LSG1: variants seen among roughly 807,000 people sequenced by gnomAD.
The protein encoded by LSG1 is large 60S subunit nuclear export GTPase 1, also known as large subunit GTPase 1 homolog.
Under a neutral mutation model 82.6 loss-of-function variants are expected in LSG1, and 55 were observed. The ratio of observed to expected loss-of-function variants is 0.67; its 90% CI spans 0.54 to 0.83. The LOEUF is 0.83. LSG1 is among the 40% of genes least tolerant of loss of function. LSG1 has a pLI of 0.00. For synonymous variants in LSG1, 272 were observed against 282.5 expected, an observed-to-expected ratio of 0.96 and a Z score of 0.37; for missense variants, 809 against 807.9, an observed-to-expected ratio of 1.00 and a Z score of -0.02.
At position 194,672,122 on chromosome 3, in the gene LSG1, C is replaced by A; in HGVS notation, c.41G>T (p.Arg14Leu). Residue 14 changes from arginine to leucine, a missense_variant, in exon 1 of 14, where the codon CGG (arginine) becomes CTG (leucine). Transcript: ENST00000265245. ...RRAPAGGSLG[R>L]ALMRHQTQRS... ...CTGAGTCTGATGGCGCATAAGGGCC[C>A]GTCCCAGCGACCCACCGGCCGGGGC... The A allele has an allele frequency of 1.2e-6, 2 of 1,607,900 alleles. No homozygotes were observed. The highest frequency in any genetic ancestry group is 2.2e-5 in the East Asian group (1 of 44,870).
At chr3:194,665,720 A>G (rs1320238825) in intron 4 of LSG1, 77 bp from the exon 5 acceptor site, 28 of 771,220 alleles carry the variant, frequency 3.6e-5, no homozygotes, top group Non-Finnish European at 5.9e-5. Flanking sequence ...GCTCAAATTT[A>G]TTACATTAAA....
chr3:194,641,873 G>A lies in LSG1; in HGVS notation c.*195C>T, dbSNP rs1475113333. The A allele has an allele frequency of 7.8e-6, 4 of 515,310 alleles. No individual in the cohort carries two copies. The highest frequency in any genetic ancestry group is 1.4e-5 in the Non-Finnish European group (4 of 296,040). The allele number at this position is 515,310 out of a possible 1,614,324, so 31.9% of individuals were successfully genotyped here. ...GAGTAGGATTCTCGGGCTCCCAGAT[G>A]ACTCCTTTTTGTCAGAGTTGGTGTT... On this transcript the variant is annotated 3_prime_UTR_variant, in exon 14 of 14. Coordinates refer to ENST00000265245, the MANE Select transcript of LSG1 (RefSeq NM_018385.3).
In LSG1 at chr3:194,659,051, C is replaced by A; in HGVS notation, c.665G>T (p.Arg222Leu). 6.2e-7 allele frequency: 1 copy of A among 1,614,146 alleles called. No individual in the cohort carries two copies. The highest frequency in any genetic ancestry group is 1.1e-5 in the South Asian group (1 of 91,080). The change falls in exon 7 of 14, where the codon CGG (arginine) becomes CTG (leucine). Residue 222 changes from arginine to leucine, a missense_variant. Coordinates refer to ENST00000265245, the MANE Select transcript of LSG1 (RefSeq NM_018385.3). ...NKADLLTAEQ[R>L]SAWAMYFEKE... ...TTCGAAGTACATGGCCCAGGCACTC[C>A]GCTGCTCAGCAGTCAGCAAGTCTGC...
Position 194,641,831 on chromosome 3 carries a change from C to T in LSG1, c.*237G>A, listed in dbSNP as rs1446696614. 5.1e-6 allele frequency: 2 copies of T among 390,502 alleles called. No homozygotes were observed. Among genetic ancestry groups the T allele is most frequent in the Non-Finnish European group, 9.1e-6 (2 of 220,682 alleles). 24.2% of individuals were successfully genotyped at this position (390,502 alleles called of 1,614,324 possible). ...GGGTTTCTCCATGTTGGTGCGTGAG[C>T]CACTGTGCCCGGCCAGGAGTAGGAT... On this transcript the variant is annotated 3_prime_UTR_variant, in exon 14 of 14. Transcript: ENST00000265245.
chr3:194,654,924 C>T (rs2108618129), intron 7 of LSG1, among the ~76,000 whole-genome samples: 1 of 152,280 alleles, frequency 6.6e-6, no homozygotes, highest in Admixed American at 6.5e-5. Flanking sequence ...TCACGTTTTT[C>T]AAACAACTGA....
At chr3:194,669,957 C>G in intron 2 of LSG1, 52 bp downstream of exon 2, 1 of 1,576,150 alleles carries the variant, frequency 6.3e-7, no homozygotes, top group South Asian at 1.2e-5. Context: ...AAAACCTCAG[C>G]CCCAGATGGA....
chr3:194,666,131 G>T, intron 4 of LSG1, 72 bp downstream of exon 4: 2 of 1,259,536 alleles, frequency 1.6e-6, no homozygotes, highest in Non-Finnish European at 2.3e-6. Flanking sequence ...AAACACAAAT[G>T]GCTGTGTAAG....
chr3:194,645,513 C>CACACACACACACACAG (rs1560219508), intron 12 of LSG1: 2 of 52,192 alleles, frequency 3.8e-5, no homozygotes, highest in Non-Finnish European at 8.6e-5. Flanking sequence ...CACACACACA[C>CACACACACACACACAG]ACACACACAC....
In LSG1 at chr3:194,660,152, A is replaced by C. The variant is rs775527346; in HGVS notation, c.522-19T>G. 4.4e-6 allele frequency: 7 copies of C among 1,606,520 alleles called. No homozygotes were observed. In the Admixed American group the frequency reaches 8.3e-5, roughly 19 times the overall value. Reference sequence around the variant, plus strand: ...AATATCACTGAAAAACAAACACGAGATAGACCAATCACCGTGAAGTGAAAG... The same window carrying C: ...AATATCACTGAAAAACAAACACGAGCTAGACCAATCACCGTGAAGTGAAAG... On this transcript the variant is annotated intron_variant, in intron 5 of 13. Transcript: ENST00000265245.
At position 194,645,599 on chromosome 3, in the gene LSG1, C is replaced by G. The variant is rs914228777; in HGVS notation, c.1623+565G>C. Among the ~76,000 whole-genome samples the G allele has an allele frequency of 6.6e-4, 83 of 126,030 alleles. 1 individual carries two copies. The highest frequency in any genetic ancestry group is 1.4e-3 in the African/African-American group (47 of 33,654). The allele number at this position is 126,030 out of a possible 152,430, so 82.7% of individuals were successfully genotyped here. ...AGACACACACACACACACACACACA[C>G]ACACACACACACACACACACACAGA... On this transcript the variant is annotated intron_variant, in intron 12 of 13. Transcript: ENST00000265245.
intron 13 of LSG1, among the ~76,000 whole-genome samples, chr3:194,643,457 A>G (rs534117130): frequency 1.3e-5 from 2 of 152,246 alleles, no homozygotes; most frequent in African/African-American, 4.8e-5. Flanking sequence ...GACGCTCAGC[A>G]TCACTAGTAA....
At chr3:194,650,301 A>G (rs777917402) in intron 10 of LSG1, among the ~76,000 whole-genome samples, 1 of 152,180 alleles carries the variant, frequency 6.6e-6, no homozygotes, top group Non-Finnish European at 1.5e-5. Flanking sequence ...AAGTTAATTC[A>G]TTATGCTGCT....
At chr3:194,665,354 TCA>T (rs1476362452) in intron 5 of LSG1, among the ~76,000 whole-genome samples, 3 of 152,230 alleles carry the variant, frequency 2.0e-5, no homozygotes, top group Non-Finnish European at 4.4e-5. Flanking sequence ...TTCATTATTC[TCA>T]CACACTTATC....
At chr3:194,655,444 C>CT (rs1169249029) in intron 7 of LSG1, among the ~76,000 whole-genome samples, 1 of 152,012 alleles carries the variant, frequency 6.6e-6, no homozygotes, top group East Asian at 1.9e-4. Flanking sequence ...CCAGGAAAGA[C>CT]TGGAAACAAT....
At chr3:194,642,451 A>G (rs1260105066) in intron 13 of LSG1, among the ~76,000 whole-genome samples, 1 of 147,852 alleles carries the variant, frequency 6.8e-6, no homozygotes, top group East Asian at 2.0e-4. Context: ...TCCCTCGTCA[A>G]CTTTGTTTAG....
chr3:194,666,333 C>T, intron 3 of LSG1, 44 bp from the exon 4 acceptor site: 1 of 1,606,132 alleles, frequency 6.2e-7, no homozygotes, highest in South Asian at 1.1e-5. Context: ...TATAAGTAAC[C>T]AAAATAAAAT....
intron 7 of LSG1, among the ~76,000 whole-genome samples, chr3:194,656,946 G>A (rs768336211): frequency 2.6e-5 from 4 of 151,794 alleles, no homozygotes; most frequent in Admixed American, 1.3e-4. Context: ...GGAATTGAAC[G>A]ATGAGAACAC....
rs759569776 is a variant in LSG1, at chr3:194,672,183, A to G, written c.-21T>C. On this transcript the variant is annotated 5_prime_UTR_variant, in exon 1 of 14. Coordinates refer to ENST00000265245, the MANE Select transcript of LSG1 (RefSeq NM_018385.3). ...CCCATGGCAACACGACCGCTGGACG[A>G]AGCTTCCCGGCTCGGCGCGTGCAGT... 8.3e-6 allele frequency: 13 copies of G among 1,564,602 alleles called. No individual in the cohort carries two copies. Among genetic ancestry groups the G allele is most frequent in the East Asian group, 2.2e-5 (1 of 44,652 alleles).
At chr3:194,659,636 AG>A (rs1718881700) in intron 6 of LSG1, among the ~76,000 whole-genome samples, 1 of 152,258 alleles carries the variant, frequency 6.6e-6, no homozygotes, top group Non-Finnish European at 1.5e-5. Context: ...GTTAGTTATC[AG>A]CCCCTGTGGT....
Sources: allele counts gnomAD v4.1 joint callset (sites outside exome capture counted in the v4.1 genomes callset), GRCh38; gene constraint gnomAD v4.1.1; transcripts MANE v1.5; gene names NCBI Gene and HGNC (gene_info 2026-07-23, HGNC 2026-07-21).